MAGI1: variants seen among roughly 807,000 people sequenced by gnomAD.
MAGI1 encodes membrane associated guanylate kinase, WW and PDZ domain containing 1, also known as membrane-associated guanylate kinase, WW and PDZ domain-containing protein 1.
Under a neutral mutation model 139.9 loss-of-function variants are expected in MAGI1, and 58 were observed. That is an observed-to-expected ratio of 0.41 (90% CI 0.34 to 0.52). MAGI1 has a LOEUF of 0.52. Among genes scored for constraint, MAGI1 ranks in the 20% least tolerant of loss-of-function variants. The pLI is 0.12. For synonymous variants in MAGI1, 812 were observed against 737.9 expected (o/e 1.10, Z -1.63); for missense variants, 1,874 against 1,901.6 (o/e 0.99, Z 0.27).
At chr3:65,815,478 T>C (rs1236613580) in intron 1 of MAGI1, among the ~76,000 whole-genome samples, 3 of 152,098 alleles carry the variant, frequency 2.0e-5, no homozygotes, top group Admixed American at 1.3e-4. Flanking sequence ...CCCAGCTCAC[T>C]TGAAAGGAGT....
intron 1 of MAGI1, among the ~76,000 whole-genome samples, chr3:65,983,812 T>A (rs967764943): frequency 6.6e-6 from 1 of 152,174 alleles, no homozygotes; most frequent in Non-Finnish European, 1.5e-5. Flanking sequence ...TTTCAGTTTT[T>A]TATATTTGTA....
At chr3:65,899,277 C>T (rs185679569) in intron 1 of MAGI1, among the ~76,000 whole-genome samples, 4 of 152,162 alleles carry the variant, frequency 2.6e-5, no homozygotes, top group Non-Finnish European at 4.4e-5. Context: ...AATACATTCA[C>T]AGTGGAAAAA....
chr3:66,017,456 A>G (rs1321951173), intron 1 of MAGI1, among the ~76,000 whole-genome samples: 1 of 152,150 alleles, frequency 6.6e-6, no homozygotes, highest in Non-Finnish European at 1.5e-5. Context: ...TAATTCACAC[A>G]ATGGTACATC....
intron 13 of MAGI1, among the ~76,000 whole-genome samples, chr3:65,399,037 C>T (rs888437598): frequency 6.6e-6 from 1 of 151,970 alleles, no homozygotes; most frequent in African/African-American, 2.4e-5. Flanking sequence ...AAGGAAGCTG[C>T]CAATCACATG....
intron 2 of MAGI1, among the ~76,000 whole-genome samples, chr3:65,599,294 C>A (rs1043716012): frequency 3.9e-5 from 6 of 152,150 alleles, no homozygotes; most frequent in Admixed American, 3.9e-4. Context: ...GATAACAAGG[C>A]AGCACAGATC....
chr3:65,357,134 T>G lies in MAGI1; in HGVS notation c.3635-2A>C, dbSNP rs1249006788. ...GGCCGTGGCGGTCGCTGCTGGGGTC[T>G]GCCAGGAAAATAAACGAGAGCAACA... is the stretch of plus-strand genomic sequence containing the variant. On this transcript the variant is annotated splice_acceptor_variant, in intron 22 of 22. Coordinates refer to ENST00000402939, the MANE Select transcript of MAGI1 (RefSeq NM_001033057.2). LOFTEE classifies it high-confidence loss of function. The G allele has an allele frequency of 6.2e-7, 1 of 1,602,720 alleles. No homozygotes were observed. The highest frequency in any genetic ancestry group is 8.5e-7 in the Non-Finnish European group (1 of 1,173,676).
chr3:65,510,411 A>C (rs1434897165), intron 2 of MAGI1, among the ~76,000 whole-genome samples: 2 of 149,852 alleles, frequency 1.3e-5, no homozygotes, highest in Non-Finnish European at 1.5e-5. Flanking sequence ...TTTGAAAAAA[A>C]TTTAGAAGAA....
chr3:65,979,095 C>CA (rs1553742297), intron 1 of MAGI1, among the ~76,000 whole-genome samples: 2 of 57,804 alleles, frequency 3.5e-5, no homozygotes, highest in Non-Finnish European at 8.2e-5. Flanking sequence ...TCTTCCCCCC[C>CA]CCCGCCACCC....
intron 1 of MAGI1, among the ~76,000 whole-genome samples, chr3:66,016,140 G>A (rs1297790817): frequency 6.6e-6 from 1 of 152,152 alleles, no homozygotes; most frequent in African/African-American, 2.4e-5. Context: ...CACAAGCCTA[G>A]AATCAAGTGA....
intron 1 of MAGI1, among the ~76,000 whole-genome samples, chr3:65,795,668 A>G (rs1220959492): frequency 2.0e-5 from 3 of 148,658 alleles, no homozygotes; most frequent in African/African-American, 7.4e-5. Context: ...TTCGGTCTCC[A>G]AAGAAACAGA....
At chr3:65,470,584 C>T in intron 4 of MAGI1, 100 bp from the exon 5 acceptor site, 2 of 683,228 alleles carry the variant, frequency 2.9e-6, no homozygotes, top group South Asian at 1.9e-5. Context: ...CAACTATACA[C>T]ATCTATATTC....
intron 9 of MAGI1, 56 bp from the exon 10 acceptor site, chr3:65,437,303 C>G (rs1947923621): frequency 6.4e-6 from 7 of 1,095,220 alleles, no homozygotes; most frequent in Admixed American, 1.8e-5. Context: ...CATTGAGTTA[C>G]TTATGATTCA....
intron 1 of MAGI1, among the ~76,000 whole-genome samples, chr3:65,932,724 T>C (rs2062862116): frequency 6.6e-6 from 1 of 151,818 alleles, no homozygotes. Flanking sequence ...AGATGGAAAA[T>C]CAGAGAAAGC....
At chr3:65,810,942 T>C (rs1017734666) in intron 1 of MAGI1, among the ~76,000 whole-genome samples, 12 of 152,344 alleles carry the variant, frequency 7.9e-5, no homozygotes, top group African/African-American at 2.9e-4. Flanking sequence ...TGGCATATAG[T>C]AGGTACTTAA....
chr3:65,425,681 C>A (rs2107311265), intron 12 of MAGI1, among the ~76,000 whole-genome samples: 1 of 152,188 alleles, frequency 6.6e-6, no homozygotes, highest in Non-Finnish European at 1.5e-5. Flanking sequence ...AACATAGGAT[C>A]TTCACTTGCA....
At chr3:65,615,032 A>AAAAG (rs1400293410) in intron 2 of MAGI1, among the ~76,000 whole-genome samples, 5 of 151,920 alleles carry the variant, frequency 3.3e-5, no homozygotes, top group African/African-American at 4.8e-5. Flanking sequence ...CAAAAAAAAA[A>AAAAG]AAAGAAAGAA....
chr3:65,409,370 A>T (rs1945599803), intron 12 of MAGI1, among the ~76,000 whole-genome samples: 1 of 152,018 alleles, frequency 6.6e-6, no homozygotes, highest in Non-Finnish European at 1.5e-5. Flanking sequence ...CAGAGGGAGG[A>T]GCTGAAGTGA....
chr3:65,457,247 T>C (rs1003549029), intron 5 of MAGI1, among the ~76,000 whole-genome samples: 2 of 152,210 alleles, frequency 1.3e-5, no homozygotes, highest in Non-Finnish European at 2.9e-5. Context: ...ATGGAATCAT[T>C]GTATGTAATA....
intron 1 of MAGI1, among the ~76,000 whole-genome samples, chr3:65,747,341 C>T (rs2035792962): frequency 6.6e-6 from 1 of 152,132 alleles, no homozygotes; most frequent in African/African-American, 2.4e-5. Context: ...GGCTACAGGC[C>T]TGAAGGCAGA....
Sources: allele counts gnomAD v4.1 joint callset (sites outside exome capture counted in the v4.1 genomes callset), GRCh38; gene constraint gnomAD v4.1.1; transcripts MANE v1.5; gene names NCBI Gene and HGNC (gene_info 2026-07-23, HGNC 2026-07-21).